KLK5: variants seen among roughly 807,000 people sequenced by gnomAD.
The protein encoded by KLK5 is kallikrein related peptidase 5.
Under a neutral mutation model 24.0 loss-of-function variants are expected in KLK5, and 18 were observed. The observed-to-expected ratio is 0.75, with a 90% confidence interval of 0.52 to 1.11. The LOEUF (loss-of-function observed/expected upper bound fraction) is 1.11. Among genes scored for constraint, KLK5 ranks in the 50% most tolerant of loss-of-function variants. The pLI is 0.00. For missense variants in KLK5, 374 were observed against 379.2 expected (o/e 0.99, Z 0.11); for synonymous variants, 140 against 154.0 (o/e 0.91, Z 0.67).
chr19:50,944,245 G>A (rs993572042), intron 5 of KLK5, among the ~76,000 whole-genome samples: 5 of 152,046 alleles, frequency 3.3e-5, no homozygotes, highest in African/African-American at 1.2e-4. Flanking sequence ...GGCCTCAAGT[G>A]ATTCGCCCAC....
Position 50,943,776 on chromosome 19 carries a change from C to G in KLK5, c.737G>C (p.Gly246Ala), listed in dbSNP as rs1308423718. 3 of 1,612,144 alleles carry G rather than the reference C, an allele frequency of 1.9e-6. No individual in the cohort carries two copies. Among genetic ancestry groups the G allele is most frequent in the Non-Finnish European group, 2.5e-6 (3 of 1,178,854 alleles). The change falls in exon 6 of 6, where the codon GGG becomes GCG. Residue 246 changes from glycine (G) to alanine (A), a missense_variant. Transcript: ENST00000336334. The stretch of plus-strand genomic sequence containing the variant: ...GGAGCCATTGCAGACCACAGGCCCC[C>G]CAGAATCACCCTGCAGGAGAGAAAG... Reference protein sequence around the residue: ...AGRDSCQGDSGGPVVCNGSLQ... With the variant: ...AGRDSCQGDSAGPVVCNGSLQ...
intron 5 of KLK5, among the ~76,000 whole-genome samples, chr19:50,946,569 T>C (rs370868058): frequency 3.6e-5 from 3 of 82,432 alleles, no homozygotes; most frequent in Non-Finnish European, 6.2e-5. Flanking sequence ...CTTTTCTTTT[T>C]TTTTTTTTGA....
At position 50,949,872 on chromosome 19, in the gene KLK5, G is replaced by A. The variant is rs2090670290; in HGVS notation, c.318C>T (p.Ala106=). The A allele has an allele frequency of 1.9e-6, 3 of 1,587,880 alleles. No individual in the cohort carries two copies. Among genetic ancestry groups the A allele is most frequent in the Admixed American group, 1.7e-5 (1 of 58,592 alleles). ...VLVHPQWLLT[A]AHCRKKVFRV... is the part of the protein sequence containing the mutation. ...CCACTCACTTCTTCCTGCAGTGGGC[G>A]GCCGTGAGCAGCCACTGTGGATGCA... is the stretch of plus-strand genomic sequence containing the variant. The change falls in exon 3 of 6, where the codon GCC becomes GCT. Residue 106 remains alanine (A), a synonymous_variant. Coordinates refer to ENST00000336334, the MANE Select transcript of KLK5 (RefSeq NM_012427.5).
chr19:50,949,800 C>CCAGCCCTCACCCCCATGACAA lies in KLK5; in HGVS notation c.335+54_335+55insTTGTCATGGGGGTGAGGGCTG, dbSNP rs1568529139. On this transcript the variant is annotated intron_variant, in intron 3 of 5. Coordinates refer to ENST00000336334, the MANE Select transcript of KLK5 (RefSeq NM_012427.5). ...TGACACCCCCACCCCCACTTCCCCACCCCCACCCCCACTTCCCCGTCCCCA... is the reference window on the plus strand; with the variant it reads ...TGACACCCCCACCCCCACTTCCCCACCAGCCCTCACCCCCATGACAACCCCACCCCCACTTCCCCGTCCCCA... 2.5e-4 allele frequency: 59 copies of CCAGCCCTCACCCCCATGACAA among 236,096 alleles called. 12 individuals are homozygous for CCAGCCCTCACCCCCATGACAA. The highest frequency in any genetic ancestry group is 1.8e-3 in the East Asian group (8 of 4,396). 14.6% of individuals were successfully genotyped at this position (236,096 alleles called of 1,614,324 possible).
chr19:50,950,097 A>G lies in KLK5; in HGVS notation c.93T>C (p.Asn31=). 1 of 1,566,636 alleles carries G rather than the reference A, an allele frequency of 6.4e-7. No homozygotes were observed. Among genetic ancestry groups the G allele is most frequent in the Non-Finnish European group, 8.7e-7 (1 of 1,151,880 alleles). The part of the protein sequence containing the change: ...LGVTEHVLAN[N]DVSCDHPSNT... ...TAGAGGGGTGGTCACAGGAAACATCATTGTTGGCGAGAACATGCTCTGGGA... is the reference window on the plus strand; with the variant it reads ...TAGAGGGGTGGTCACAGGAAACATCGTTGTTGGCGAGAACATGCTCTGGGA... Residue 31 remains asparagine (N), a synonymous_variant, in exon 3 of 6, where the codon AAT becomes AAC. Transcript: ENST00000336334.
chr19:50,952,532 G>T, intron 2 of KLK5, 53 bp downstream of exon 2: 6 of 1,400,060 alleles, frequency 4.3e-6, no homozygotes, highest in Admixed American at 2.0e-5. Context: ...CTCTAGTGCC[G>T]CAGAGACAGT....
Position 50,949,178 on chromosome 19 carries a change from C to T in KLK5, c.336-63G>A. On this transcript the variant is annotated intron_variant, in intron 3 of 5. Coordinates refer to ENST00000336334, the MANE Select transcript of KLK5 (RefSeq NM_012427.5). ...TCTATCTCCACGTCCAACGCCAATC[C>T]CAACCCCACACCCAGCCCCAGCCCC... is the stretch of plus-strand genomic sequence containing the variant. 9 of 1,545,522 alleles carry T rather than the reference C, an allele frequency of 5.8e-6. No individual in the cohort carries two copies. The South Asian group carries it at 9.7e-5, about 17-fold the overall frequency.
At chr19:50,945,435 G>A (rs533466553) in intron 5 of KLK5, among the ~76,000 whole-genome samples, 3 of 151,730 alleles carry the variant, frequency 2.0e-5, no homozygotes, top group East Asian at 1.9e-4. Flanking sequence ...ATAGCCACTC[G>A]GCTAATATTT....
chr19:50,950,907 A>AAC (rs386389202), intron 2 of KLK5, among the ~76,000 whole-genome samples: 1 of 150,728 alleles, frequency 6.6e-6, no homozygotes, highest in Non-Finnish European at 1.5e-5. Flanking sequence ...AAAAAAAAAA[A>AAC]AGCTCTGACT....
chr19:50,952,772 C>G lies in KLK5; in HGVS notation c.-37G>C. The G allele has an allele frequency of 1.5e-6, 1 of 674,994 alleles. No homozygotes were observed. The highest frequency in any genetic ancestry group is 2.4e-6 in the Non-Finnish European group (1 of 418,746). The allele number at this position is 674,994 out of a possible 1,614,324, so 41.8% of individuals were successfully genotyped here. ...CTTATTTCCCCAGGTAGAGAGGAAC[C>G]ACAAGGACGGGCCACCATCGGCACT... On this transcript the variant is annotated 5_prime_UTR_variant, in exon 1 of 6. Transcript: ENST00000336334.
chr19:50,950,975 G>A (rs1326682274), intron 2 of KLK5, among the ~76,000 whole-genome samples: 1 of 152,074 alleles, frequency 6.6e-6, no homozygotes, highest in Non-Finnish European at 1.5e-5. Context: ...GCCCAAAGGG[G>A]TGTGGCCTTA....
chr19:50,952,639 G>C lies in KLK5; in HGVS notation c.19C>G (p.Pro7Ala). ...AGAGCACAGAGCACCCACATCCAGG[G>C]GGGTCTTGCTGTAGCCATGGCCGCT... is the stretch of plus-strand genomic sequence containing the variant. MATARP[P>A]WMWVLCALIT... The change falls in exon 2 of 6, where the codon CCC becomes GCC. Residue 7 changes from proline (P) to alanine (A), a missense_variant. Physicochemically the swap from Pro to Ala is conservative, Grantham distance 27. Coordinates refer to ENST00000336334, the MANE Select transcript of KLK5 (RefSeq NM_012427.5). The C allele has an allele frequency of 6.2e-7, 1 of 1,602,368 alleles. No individual in the cohort carries two copies. Among genetic ancestry groups the C allele is most frequent in the Non-Finnish European group, 8.5e-7 (1 of 1,174,440 alleles).
intron 5 of KLK5, among the ~76,000 whole-genome samples, chr19:50,948,243 T>C (rs2090652184): frequency 6.6e-6 from 1 of 152,036 alleles, no homozygotes; most frequent in Non-Finnish European, 1.5e-5. Context: ...TGTCTCGGCC[T>C]CCTGAGCAGC....
intron 5 of KLK5, 54 bp downstream of exon 5, chr19:50,948,585 TG>T: frequency 1.9e-6 from 3 of 1,589,364 alleles, no homozygotes; most frequent in Non-Finnish European, 2.6e-6. Context: ...CAACGCTCCA[TG>T]TTACCGAGTT....
chr19:50,949,210 A>T (rs993062531), intron 3 of KLK5, 95 bp from the exon 4 acceptor site: 1 of 1,073,198 alleles, frequency 9.3e-7, no homozygotes, highest in African/African-American at 3.9e-5. Flanking sequence ...CCCCACCCCC[A>T]TCCCCACCCC....
intron 3 of KLK5, among the ~76,000 whole-genome samples, chr19:50,949,486 C>G (rs969413486): frequency 6.6e-6 from 1 of 151,732 alleles, no homozygotes; most frequent in Non-Finnish European, 1.5e-5. Context: ...TTTCACCCAC[C>G]CCCAATTCTA....
rs1389681338 is a variant in KLK5 at position 50,945,048 on chromosome 19, CT to C, written c.727-1263del. Among the ~76,000 whole-genome samples the C allele has an allele frequency of 1.1e-3, 150 of 137,608 alleles. 1 individual carries two copies. Among genetic ancestry groups the C allele is most frequent in the South Asian group, 9.9e-3 (43 of 4,330 alleles). 90.3% of individuals were successfully genotyped at this position (137,608 alleles called of 152,430 possible). On this transcript the variant is annotated intron_variant, in intron 5 of 5. Coordinates refer to ENST00000336334, the MANE Select transcript of KLK5 (RefSeq NM_012427.5). ...TCCTTCCTTCCTTTCTTTCTCCTTC[CT>C]TCCTTTCTTTCTCCTTCCTTCCTTC...
At chr19:50,949,217 C>A in intron 3 of KLK5, 102 bp from the exon 4 acceptor site, 6 of 1,159,556 alleles carry the variant, frequency 5.2e-6, no homozygotes, top group Non-Finnish European at 7.2e-6. Context: ...CCCATCCCCA[C>A]CCCCGGTCCC....
rs968237541 is a variant in KLK5, at chr19:50,952,589, G to A, written c.69C>T (p.Val23=). ...CALITALLLG[V]TEHVLANNDV... is the part of the protein sequence containing the mutation. Reference sequence around the variant, plus strand: ...CCACCCCAGAGTTCTGGTTACCTGTGACCCCCAGAAGCAAGGCTGTGATCA... The same window carrying A: ...CCACCCCAGAGTTCTGGTTACCTGTAACCCCCAGAAGCAAGGCTGTGATCA... Residue 23 remains valine (V), a synonymous_variant, in exon 2 of 6, where the codon GTC becomes GTT. Transcript: ENST00000336334. 1 of 1,602,470 alleles carries A rather than the reference G, an allele frequency of 6.2e-7. No individual in the cohort carries two copies. Among genetic ancestry groups the A allele is most frequent in the Admixed American group, 1.7e-5 (1 of 59,030 alleles).
Sources: allele counts gnomAD v4.1 joint callset (sites outside exome capture counted in the v4.1 genomes callset), GRCh38; gene constraint gnomAD v4.1.1; transcripts MANE v1.5; gene names NCBI Gene and HGNC (gene_info 2026-07-23, HGNC 2026-07-21).